The following DOCK3 variants were observed in gnomAD, a reference collection of about 807,000 sequenced individuals.
DOCK3 encodes dedicator of cytokinesis protein 3.
Under a neutral mutation model 265.6 loss-of-function variants are expected in DOCK3, and 60 were observed. The observed-to-expected ratio is 0.23, with a 90% CI of 0.18 to 0.28. The LOEUF is 0.28. Ranked by LOEUF, DOCK3 falls within the 10% of genes least tolerant of loss-of-function variation. DOCK3 has a pLI of 1.00. For synonymous variants in DOCK3, 881 were observed against 938.0 expected (o/e 0.94, Z 1.11); for missense variants, 1,981 against 2,594.3 (o/e 0.76, Z 5.14).
At chr3:50,780,251 G>A (rs1351168971) in intron 2 of DOCK3, among the ~76,000 whole-genome samples, 1 of 152,144 alleles carries the variant, frequency 6.6e-6, no homozygotes, top group African/African-American at 2.4e-5. Context: ...ATCACATTCG[G>A]TCATAAAATA....
intron 2 of DOCK3, among the ~76,000 whole-genome samples, chr3:50,804,245 A>C (rs1410999675): frequency 6.7e-6 from 1 of 150,270 alleles, no homozygotes; most frequent in East Asian, 2.0e-4. Context: ...GGCGCTCCTC[A>C]CTTCCCAGAC....
At chr3:50,870,368 C>T (rs2047375957) in intron 3 of DOCK3, among the ~76,000 whole-genome samples, 1 of 152,116 alleles carries the variant, frequency 6.6e-6, no homozygotes, top group African/African-American at 2.4e-5. Flanking sequence ...ATATAGTGTA[C>T]TTCTTCAACT....
intron 5 of DOCK3, among the ~76,000 whole-genome samples, chr3:50,977,115 T>C (rs2077481739): frequency 6.7e-6 from 1 of 150,066 alleles, no homozygotes; most frequent in Non-Finnish European, 1.5e-5. Context: ...AGTCTGTGTC[T>C]TTTAATTGGA....
intron 4 of DOCK3, among the ~76,000 whole-genome samples, chr3:50,922,275 C>T (rs755551919): frequency 3.3e-5 from 5 of 152,258 alleles, no homozygotes; most frequent in Non-Finnish European, 7.3e-5. Flanking sequence ...CTCCCCTGGC[C>T]TCACTGCCTC....
chr3:50,983,358 C>T (rs1263284060), intron 5 of DOCK3, among the ~76,000 whole-genome samples: 3 of 152,124 alleles, frequency 2.0e-5, no homozygotes, highest in Non-Finnish European at 4.4e-5. Flanking sequence ...GGGGGCTGGA[C>T]TGCTAGTTGA....
At chr3:50,871,234 A>G (rs1575410263) in intron 3 of DOCK3, among the ~76,000 whole-genome samples, 1 of 151,626 alleles carries the variant, frequency 6.6e-6, no homozygotes, top group Non-Finnish European at 1.5e-5. Flanking sequence ...TTATCTGGGA[A>G]AGTCTTTATT....
At chr3:50,885,098 C>T (rs1046059270) in intron 3 of DOCK3, among the ~76,000 whole-genome samples, 1 of 152,154 alleles carries the variant, frequency 6.6e-6, no homozygotes, top group Non-Finnish European at 1.5e-5. Flanking sequence ...TTTACTGTCT[C>T]TATGGTTTTG....
chr3:51,273,039 G>A (rs1366066025), intron 24 of DOCK3, among the ~76,000 whole-genome samples: 1 of 151,788 alleles, frequency 6.6e-6, no homozygotes, highest in Non-Finnish European at 1.5e-5. Flanking sequence ...GTGGGCGCCT[G>A]TAGTCCCAGC....
At chr3:50,995,113 G>A (rs2078232559) in intron 5 of DOCK3, among the ~76,000 whole-genome samples, 1 of 151,778 alleles carries the variant, frequency 6.6e-6, no homozygotes, top group South Asian at 2.1e-4. Flanking sequence ...TTTTAATACA[G>A]TGTTTTTATA....
intron 9 of DOCK3, among the ~76,000 whole-genome samples, chr3:51,122,603 A>G (rs1424004815): frequency 6.6e-6 from 1 of 152,238 alleles, no homozygotes; most frequent in South Asian, 2.1e-4. Flanking sequence ...TGTGAAGTAT[A>G]TTAATACTCA....
chr3:51,345,435 A>G (rs1374346103), intron 38 of DOCK3, among the ~76,000 whole-genome samples: 3 of 152,072 alleles, frequency 2.0e-5, no homozygotes, highest in African/African-American at 7.2e-5. Flanking sequence ...ACATAGCGAG[A>G]CCCCATCTCT....
At chr3:50,722,086 A>G (rs927229597) in intron 1 of DOCK3, among the ~76,000 whole-genome samples, 1 of 152,188 alleles carries the variant, frequency 6.6e-6, no homozygotes, top group Non-Finnish European at 1.5e-5. Flanking sequence ...ACTTAAGTGC[A>G]TGGCTGTGTT....
chr3:50,999,729 T>C (rs902028819), intron 5 of DOCK3, among the ~76,000 whole-genome samples: 1 of 152,174 alleles, frequency 6.6e-6, no homozygotes. Flanking sequence ...CTCAGACTTC[T>C]CCTTCTTGGT....
intron 6 of DOCK3, among the ~76,000 whole-genome samples, chr3:51,072,998 G>T (rs148532498): frequency 1.3e-5 from 2 of 151,602 alleles, no homozygotes; most frequent in South Asian, 4.2e-4. Context: ...ATGAGCTACC[G>T]CACCTAGCCA....
At chr3:51,174,320 T>G (rs2086833351) in intron 12 of DOCK3, among the ~76,000 whole-genome samples, 1 of 151,984 alleles carries the variant, frequency 6.6e-6, no homozygotes, top group African/African-American at 2.4e-5. Flanking sequence ...AATACAAAAA[T>G]TAGCCAGGTG....
intron 9 of DOCK3, among the ~76,000 whole-genome samples, chr3:51,135,416 G>A (rs2084748874): frequency 6.6e-6 from 1 of 152,168 alleles, no homozygotes; most frequent in African/African-American, 2.4e-5. Flanking sequence ...GGATCATGCT[G>A]CTTCTCAAGT....
intron 3 of DOCK3, among the ~76,000 whole-genome samples, chr3:50,862,998 C>T (rs755477651): frequency 4.1e-4 from 63 of 152,198 alleles, no homozygotes; most frequent in Non-Finnish European, 9.0e-4. Context: ...GGCCCATTCT[C>T]CACAGCCATT....
At chr3:50,890,934 A>G (rs2048612202) in intron 4 of DOCK3, among the ~76,000 whole-genome samples, 1 of 152,134 alleles carries the variant, frequency 6.6e-6, no homozygotes, top group Admixed American at 6.6e-5. Flanking sequence ...AACTGCATAA[A>G]GTGGCCTACA....
intron 9 of DOCK3, among the ~76,000 whole-genome samples, chr3:51,131,488 A>G (rs1333895245): frequency 6.6e-6 from 1 of 152,158 alleles, no homozygotes; most frequent in Non-Finnish European, 1.5e-5. Flanking sequence ...GCCTCCCTCC[A>G]TTCAAGGGGT....
Sources: allele counts gnomAD v4.1 joint callset (sites outside exome capture counted in the v4.1 genomes callset), GRCh38; gene constraint gnomAD v4.1.1; transcripts MANE v1.5; gene names NCBI Gene and HGNC (gene_info 2026-07-23, HGNC 2026-07-21).